RORA: variants seen among roughly 807,000 people sequenced by gnomAD.
RORA encodes nuclear receptor ROR-alpha.
RORA carries 7 observed loss-of-function variants against 69.5 expected under a neutral mutation model. The observed-to-expected ratio is 0.10, with a 90% CI of 0.06 to 0.19. The LOEUF (loss-of-function observed/expected upper bound fraction) is 0.19, where lower values mean the gene tolerates loss of function less well. Ranked by LOEUF, RORA falls within the 10% of genes least tolerant of loss-of-function variation. The pLI, the probability that RORA is intolerant of heterozygous loss-of-function variation, is 1.00. For synonymous variants in RORA, 261 were observed against 240.8 expected (o/e 1.08, Z -0.78); for missense variants, 457 against 663.0 (o/e 0.69, Z 3.41).
chr15:61,188,806 T>C (rs375158230), intron 1 of RORA, among the ~76,000 whole-genome samples: 4 of 152,162 alleles, frequency 2.6e-5, no homozygotes, highest in African/African-American at 9.7e-5. Flanking sequence ...TAACGTCACA[T>C]GTTTCCTAAG....
At chr15:60,569,392 G>A (rs1210394671) in intron 2 of RORA, among the ~76,000 whole-genome samples, 1 of 151,904 alleles carries the variant, frequency 6.6e-6, no homozygotes, top group Non-Finnish European at 1.5e-5. Context: ...TGGCAACACT[G>A]CACTCCAGCC....
intron 1 of RORA, among the ~76,000 whole-genome samples, chr15:61,152,003 TGTCA>T (rs1248441291): frequency 2.6e-5 from 4 of 152,212 alleles, no homozygotes; most frequent in Non-Finnish European, 5.9e-5. Flanking sequence ...TCCATGAAGC[TGTCA>T]GTCAGAGTAG....
chr15:61,040,113 GATATATATATATAT>G (rs60830259), intron 1 of RORA, among the ~76,000 whole-genome samples: 785 of 46,308 alleles, frequency 0.017, 15 homozygotes, highest in African/African-American at 0.052. Flanking sequence ...CACAAGCTTT[GATATATATATATAT>G]ATATATATAT....
intron 1 of RORA, among the ~76,000 whole-genome samples, chr15:60,807,588 A>C (rs1319200215): frequency 6.6e-6 from 1 of 152,188 alleles, no homozygotes; most frequent in Non-Finnish European, 1.5e-5. Flanking sequence ...TAAAATTCAT[A>C]TGGAGCCAAA....
intron 2 of RORA, among the ~76,000 whole-genome samples, chr15:60,555,607 T>C (rs2067334904): frequency 6.6e-6 from 1 of 152,010 alleles, no homozygotes; most frequent in Admixed American, 6.6e-5. Context: ...TTTGAAACAA[T>C]TAGTGATTGC....
chr15:60,820,918 G>A (rs2072885060), intron 1 of RORA, among the ~76,000 whole-genome samples: 1 of 152,102 alleles, frequency 6.6e-6, no homozygotes, highest in Non-Finnish European at 1.5e-5. Context: ...TTCTGGTTGT[G>A]GTACAGGGAT....
chr15:61,047,388 T>C (rs978974213), intron 1 of RORA, among the ~76,000 whole-genome samples: 1 of 152,326 alleles, frequency 6.6e-6, no homozygotes, highest in African/African-American at 2.4e-5. Context: ...TATACTCACA[T>C]TTTTCCTGAA....
At chr15:60,616,335 C>T (rs528998262) in intron 2 of RORA, among the ~76,000 whole-genome samples, 16 of 152,280 alleles carry the variant, frequency 1.1e-4, no homozygotes, top group African/African-American at 3.6e-4. Flanking sequence ...CCAGCGCATG[C>T]GTCTGCCCTC....
chr15:60,898,427 A>T (rs1290559232), intron 1 of RORA, among the ~76,000 whole-genome samples: 1 of 152,118 alleles, frequency 6.6e-6, no homozygotes, highest in Non-Finnish European at 1.5e-5. Context: ...ATGCAATCCC[A>T]GAAACTCAGA....
intron 2 of RORA, among the ~76,000 whole-genome samples, chr15:60,673,447 T>C (rs2070504880): frequency 6.6e-6 from 1 of 152,246 alleles, no homozygotes; most frequent in African/African-American, 2.4e-5. Flanking sequence ...GGATTTTTAC[T>C]TTCTCAGACT....
Position 60,512,399 on chromosome 15 carries a change from G to A in RORA, c.425-778C>T, listed in dbSNP as rs533726013. ...CTCCTAAGGTTTGAGCGATCCTCCC[G>A]CCTTGGCCTCCTACGTAGCTGGGAC... On this transcript the variant is annotated intron_variant, in intron 4 of 10. Transcript: ENST00000335670. Among the ~76,000 whole-genome samples, 79 of 152,194 alleles carry A rather than the reference G, an allele frequency of 5.2e-4. 1 individual carries two copies. The South Asian group carries it at 0.01, about 20-fold the overall frequency.
At chr15:60,956,218 A>T (rs925477711) in intron 1 of RORA, among the ~76,000 whole-genome samples, 1 of 152,164 alleles carries the variant, frequency 6.6e-6, no homozygotes, top group Non-Finnish European at 1.5e-5. Flanking sequence ...CAAACAAATT[A>T]TTATTACAAT....
chr15:61,182,050 A>G (rs2079691888), intron 1 of RORA, among the ~76,000 whole-genome samples: 1 of 152,208 alleles, frequency 6.6e-6, no homozygotes, highest in South Asian at 2.1e-4. Context: ...TGTCTCAATT[A>G]CAGAGACTCC....
At chr15:60,842,007 G>A (rs1342568416) in intron 1 of RORA, among the ~76,000 whole-genome samples, 1 of 151,920 alleles carries the variant, frequency 6.6e-6, no homozygotes, top group Non-Finnish European at 1.5e-5. Flanking sequence ...CTACAGTTTG[G>A]GTCACTGCCA....
intron 1 of RORA, among the ~76,000 whole-genome samples, chr15:60,719,374 C>T (rs1324380196): frequency 6.6e-6 from 1 of 152,064 alleles, no homozygotes; most frequent in African/African-American, 2.4e-5. Context: ...GTCATTGAAG[C>T]TGAATGATGG....
In RORA at chr15:60,839,294, C is replaced by T. The variant is rs139621371; in HGVS notation, c.167-160608G>A. ...GAATATAATGACAATTTTGACTAAA[C>T]AATAATCACATTAAAGATGATGATA... On this transcript the variant is annotated intron_variant, in intron 1 of 10. Transcript: ENST00000335670. 6.0e-3 allele frequency among the ~76,000 whole-genome samples: 912 copies of T among 152,172 alleles called. 16 individuals are homozygous for T. Among genetic ancestry groups the T allele is most frequent in the East Asian group, 0.038 (195 of 5,182 alleles).
At position 60,963,165 on chromosome 15, in the gene RORA, G is replaced by A. The variant is rs765262720; in HGVS notation, c.166+265888C>T. On this transcript the variant is annotated intron_variant, in intron 1 of 10. Coordinates refer to ENST00000335670, the MANE Select transcript of RORA (RefSeq NM_134261.3). ...ATATGACTATCCCCATTTACGCTTC[G>A]AAGAAATTGAACTTTTCAGAGGGTA... Among the ~76,000 whole-genome samples, 36 of 152,268 alleles carry A rather than the reference G, an allele frequency of 2.4e-4. 1 individual carries two copies. The highest frequency in any genetic ancestry group is 6.2e-4 in the South Asian group (3 of 4,822).
At chr15:60,583,856 C>T (rs957007620) in intron 2 of RORA, among the ~76,000 whole-genome samples, 9 of 152,088 alleles carry the variant, frequency 5.9e-5, no homozygotes, top group Non-Finnish European at 8.8e-5. Context: ...TCCCTTTCCT[C>T]GTGAGTAAGA....
At position 60,769,515 on chromosome 15, in the gene RORA, G is replaced by C. The variant is rs139068179; in HGVS notation, c.167-90829C>G. Among the ~76,000 whole-genome samples the C allele has an allele frequency of 5.0e-3, 762 of 152,184 alleles. 25 individuals are homozygous for C. The highest frequency in any genetic ancestry group is 0.047 in the Admixed American group (725 of 15,292). On this transcript the variant is annotated intron_variant, in intron 1 of 10. Transcript: ENST00000335670. The stretch of plus-strand genomic sequence containing the variant: ...TCTGCAAATTTGGTTAGGGTTTAGG[G>C]GATAATCTTAGACTAATAAAATAAA...
Sources: gnomAD v4.1 joint callset for allele counts (sites outside exome capture counted in the v4.1 genomes callset) on GRCh38, gnomAD v4.1.1 for gene constraint, MANE v1.5 for transcripts, NCBI Gene and HGNC (gene_info 2026-07-23, HGNC 2026-07-21) for gene names.